SGCD: variants seen among roughly 807,000 people sequenced by gnomAD.
The protein encoded by SGCD is delta-sarcoglycan.
SGCD carries 18 observed loss-of-function variants against 36.6 expected under a neutral mutation model. That is an observed-to-expected ratio of 0.49 (90% confidence interval 0.34 to 0.73). The LOEUF (loss-of-function observed/expected upper bound fraction) is 0.73, where lower values mean the gene tolerates loss of function less well. SGCD is among the 30% of genes least tolerant of loss of function. The pLI is 0.01. For synonymous variants in SGCD, 133 were observed against 130.6 expected (o/e 1.02, Z -0.12); for missense variants, 387 against 346.7 (o/e 1.12, Z -0.92).
the SGCD span, among the ~76,000 whole-genome samples, chr5:155,762,541 A>G: frequency 1.3e-5 from 2 of 152,174 alleles, no homozygotes; most frequent in African/African-American, 4.8e-5. Context: ...TTTAATCTTC[A>G]TGGCAGCTCT....
At chr5:156,136,648 A>T (rs1762465889) in intron 3 of SGCD, among the ~76,000 whole-genome samples, 1 of 152,234 alleles carries the variant, frequency 6.6e-6, no homozygotes, top group African/African-American at 2.4e-5. Context: ...AAGACAGACG[A>T]AGATTCCATA....
the SGCD span, among the ~76,000 whole-genome samples, chr5:155,817,859 C>T: frequency 6.6e-6 from 1 of 152,142 alleles, no homozygotes; most frequent in African/African-American, 2.4e-5. Flanking sequence ...GCAGAATGAA[C>T]ATTAACATTG....
At chr5:156,682,954 C>T (rs777535235) in intron 7 of SGCD, among the ~76,000 whole-genome samples, 26 of 152,098 alleles carry the variant, frequency 1.7e-4, no homozygotes, top group African/African-American at 3.6e-4. Flanking sequence ...CACATTCACA[C>T]GGGAAGTTTA....
chr5:156,369,845 A>C (rs2127738824), intron 3 of SGCD, among the ~76,000 whole-genome samples: 1 of 152,336 alleles, frequency 6.6e-6, no homozygotes, highest in Admixed American at 6.5e-5. Flanking sequence ...AAGGCACACC[A>C]GAGAAATTCC....
chr5:155,766,758 C>T, the SGCD span, among the ~76,000 whole-genome samples: 1 of 152,108 alleles, frequency 6.6e-6, no homozygotes, highest in Non-Finnish European at 1.5e-5. Context: ...AAGGTAATTA[C>T]AGTTGTCACC....
In SGCD at chr5:156,423,785, A is replaced by G. The variant is rs1773538835; in HGVS notation, c.192+79108A>G. On this transcript the variant is annotated intron_variant, in intron 3 of 8. Transcript: ENST00000337851. ...GTATGTCTTGACTCTAAAGTCTACT[A>G]TGTGACCTTAGTAAGTAGCTTTACT... is the stretch of plus-strand genomic sequence containing the variant. Among the ~76,000 whole-genome samples the G allele has an allele frequency of 2.0e-5, 3 of 152,078 alleles. No homozygotes were observed. The South Asian group carries it at 6.2e-4, about 32-fold the overall frequency.
At chr5:155,949,423 A>G (rs1489179165) in intron 1 of SGCD, among the ~76,000 whole-genome samples, 1 of 152,210 alleles carries the variant, frequency 6.6e-6, no homozygotes, top group Non-Finnish European at 1.5e-5. Flanking sequence ...TTCTTGGAAC[A>G]AAACTGTGAG....
chr5:156,061,532 T>G (rs1760206893), intron 1 of SGCD, among the ~76,000 whole-genome samples: 1 of 145,936 alleles, frequency 6.9e-6, no homozygotes, highest in African/African-American at 2.5e-5. Flanking sequence ...AGGAAAATAT[T>G]TAAAAACAAA....
At chr5:155,836,844 ATGCCTTTTTGTAGCTCCGG>A in the SGCD span, among the ~76,000 whole-genome samples, 2 of 152,172 alleles carry the variant, frequency 1.3e-5, no homozygotes, top group African/African-American at 4.8e-5. Context: ...CCAGAATTGG[ATGCCTTTTTGTAGCTCCGG>A]TTCTAGTGTG....
At chr5:156,576,931 A>G (rs116209924) in intron 4 of SGCD, among the ~76,000 whole-genome samples, 2,595 of 151,492 alleles carry the variant, frequency 0.017, 74 homozygotes, top group African/African-American at 0.06. Context: ...TTTTTTTCCC[A>G]TTTGTCTATT....
At chr5:156,554,636 AATATATATTATAT>A (rs1456558265) in intron 4 of SGCD, among the ~76,000 whole-genome samples, 4 of 148,378 alleles carry the variant, frequency 2.7e-5, no homozygotes, top group East Asian at 1.9e-4. Flanking sequence ...ATGTGCATAT[AATATATATTATAT>A]ATATATATTA....
At chr5:156,753,097 T>C (rs1437458584) in intron 7 of SGCD, among the ~76,000 whole-genome samples, 1 of 152,194 alleles carries the variant, frequency 6.6e-6, no homozygotes, top group Non-Finnish European at 1.5e-5. Context: ...AATGTGGATG[T>C]GTGGGCACCC....
chr5:156,033,269 A>G (rs1256091452), intron 1 of SGCD, among the ~76,000 whole-genome samples: 2 of 152,258 alleles, frequency 1.3e-5, no homozygotes, highest in South Asian at 4.2e-4. Context: ...AGGGGATACA[A>G]GTGCAGGTTT....
intron 1 of SGCD, among the ~76,000 whole-genome samples, chr5:155,909,551 A>G (rs1013193787): frequency 6.6e-6 from 1 of 152,190 alleles, no homozygotes; most frequent in Non-Finnish European, 1.5e-5. Flanking sequence ...GATGGAATGC[A>G]TTTGAAAAAT....
chr5:155,901,591 A>G (rs912322546), intron 1 of SGCD, among the ~76,000 whole-genome samples: 1 of 152,168 alleles, frequency 6.6e-6, no homozygotes, highest in African/African-American at 2.4e-5. Context: ...TTTCTTGAAA[A>G]TGTTCACTAA....
chr5:155,975,273 G>T (rs1758087429), intron 1 of SGCD, among the ~76,000 whole-genome samples: 2 of 152,150 alleles, frequency 1.3e-5, no homozygotes, highest in Non-Finnish European at 2.9e-5. Flanking sequence ...TTGACAATTA[G>T]GGTGATTAAA....
intron 3 of SGCD, among the ~76,000 whole-genome samples, chr5:156,243,602 A>G (rs1765359830): frequency 6.6e-6 from 1 of 152,222 alleles, no homozygotes; most frequent in African/African-American, 2.4e-5. Flanking sequence ...CTGAGATAGC[A>G]CGGAAACAGT....
the SGCD span, among the ~76,000 whole-genome samples, chr5:155,773,051 G>T: frequency 6.6e-6 from 1 of 152,052 alleles, no homozygotes; most frequent in East Asian, 1.9e-4. Flanking sequence ...CTCCCATTTG[G>T]GGAGTTTTTG....
At chr5:156,307,732 A>G (rs1053982675) in intron 3 of SGCD, among the ~76,000 whole-genome samples, 7 of 151,828 alleles carry the variant, frequency 4.6e-5, no homozygotes, top group Non-Finnish European at 1.0e-4. Context: ...TTAATATTAT[A>G]ACATTCCTAT....
Sources: gnomAD v4.1 joint callset for allele counts (sites outside exome capture counted in the v4.1 genomes callset) on GRCh38, gnomAD v4.1.1 for gene constraint, MANE v1.5 for transcripts, NCBI Gene and HGNC (gene_info 2026-07-23, HGNC 2026-07-21) for gene names.